Variants in GRM8 observed in about 807,000 individuals in gnomAD.
GRM8 encodes glutamate metabotropic receptor 8.
A neutral mutation model predicts 87.2 loss-of-function variants in GRM8; 47 were observed. That is an observed-to-expected ratio of 0.54 (90% CI 0.43 to 0.69). The LOEUF (loss-of-function observed/expected upper bound fraction) is 0.69, where lower values mean the gene tolerates loss of function less well. Among genes scored for constraint, GRM8 ranks in the 30% least tolerant of loss-of-function variants. The pLI is 0.00. For synonymous variants in GRM8, 396 were observed against 404.5 expected (o/e 0.98, Z 0.25); for missense variants, 1,019 against 1,139.2 (o/e 0.89, Z 1.52).
At chr7:126,913,326 C>T in intron 3 of GRM8, among the ~76,000 whole-genome samples, 1 of 152,160 alleles carries the variant, frequency 6.6e-6, no homozygotes, top group East Asian at 1.9e-4. Flanking sequence ...TTTGTTAGAG[C>T]TACACGACAG....
chr7:126,983,037 G>A (rs1811693824), intron 3 of GRM8, among the ~76,000 whole-genome samples: 1 of 152,108 alleles, frequency 6.6e-6, no homozygotes, highest in Non-Finnish European at 1.5e-5. Flanking sequence ...GATAGTCTGG[G>A]TCAATCACCC....
At chr7:126,656,750 G>C (rs1189234065) in intron 7 of GRM8, among the ~76,000 whole-genome samples, 2 of 151,994 alleles carry the variant, frequency 1.3e-5, no homozygotes, top group Non-Finnish European at 2.9e-5. Flanking sequence ...CAGTTGGACA[G>C]AGAGGGGTTA....
intron 3 of GRM8, among the ~76,000 whole-genome samples, chr7:126,956,286 A>C (rs1808672499): frequency 6.6e-6 from 1 of 152,210 alleles, no homozygotes; most frequent in Non-Finnish European, 1.5e-5. Context: ...AAAAAAGATC[A>C]TGTATTGTGG....
chr7:126,726,685 G>A (rs1813017969), intron 7 of GRM8, among the ~76,000 whole-genome samples: 2 of 152,130 alleles, frequency 1.3e-5, no homozygotes, highest in African/African-American at 4.8e-5. Flanking sequence ...GAATTGGAAA[G>A]TATCTGCCCC....
intron 6 of GRM8, among the ~76,000 whole-genome samples, chr7:126,863,831 T>C (rs1486865605): frequency 6.6e-6 from 1 of 152,062 alleles, no homozygotes; most frequent in Non-Finnish European, 1.5e-5. Flanking sequence ...ATAATGCATA[T>C]TTGATATCTT....
intron 3 of GRM8, among the ~76,000 whole-genome samples, chr7:127,027,356 T>C (rs998871066): frequency 6.6e-6 from 1 of 152,164 alleles, no homozygotes; most frequent in Non-Finnish European, 1.5e-5. Context: ...AAGTAGTTTT[T>C]TCCAATTCTT....
At position 127,135,617 on chromosome 7, in the gene GRM8, C is replaced by CAAAAAA. The variant is rs1168682673; in HGVS notation, c.511-28911_511-28906dup. Among the ~76,000 whole-genome samples the CAAAAAA allele has an allele frequency of 1.5e-3, 54 of 36,592 alleles. 1 individual carries two copies. The highest frequency in any genetic ancestry group is 3.8e-3 in the African/African-American group (31 of 8,070). 24.0% of individuals were successfully genotyped at this position (36,592 alleles called of 152,430 possible). A position where few individuals can be genotyped will look rare whatever the true frequency, so the allele number is the denominator to read the frequency against. ...TGGGCGACAGAGCGAGACTCCGTCT[C>CAAAAAA]AAAAAAAAAAAAAAAAAAAAAAAAA... On this transcript the variant is annotated intron_variant, in intron 2 of 10. Coordinates refer to ENST00000339582, the MANE Select transcript of GRM8 (RefSeq NM_000845.3).
At chr7:126,879,184 G>C (rs1799809834) in intron 6 of GRM8, among the ~76,000 whole-genome samples, 2 of 148,024 alleles carry the variant, frequency 1.4e-5, no homozygotes, top group African/African-American at 2.5e-5. Flanking sequence ...GTCGGGGGAG[G>C]GGGCAGGGAG....
intron 7 of GRM8, among the ~76,000 whole-genome samples, chr7:126,760,047 C>T (rs1205891094): frequency 1.3e-5 from 2 of 152,092 alleles, no homozygotes; most frequent in Admixed American, 6.6e-5. Context: ...TTTCCCACCA[C>T]CTCAAATCTT....
At chr7:126,483,576 C>T (rs1244942957) in intron 9 of GRM8, among the ~76,000 whole-genome samples, 2 of 144,482 alleles carry the variant, frequency 1.4e-5, no homozygotes, top group East Asian at 4.1e-4. Context: ...ATTTGAAAAA[C>T]AACATTTATC....
At chr7:126,900,422 A>G (rs1415727922) in intron 6 of GRM8, among the ~76,000 whole-genome samples, 1 of 152,174 alleles carries the variant, frequency 6.6e-6, no homozygotes, top group East Asian at 1.9e-4. Flanking sequence ...ACACAACACT[A>G]TGTAGCGTTA....
chr7:126,687,182 C>G (rs890732618), intron 7 of GRM8, among the ~76,000 whole-genome samples: 3 of 152,206 alleles, frequency 2.0e-5, no homozygotes, highest in African/African-American at 7.2e-5. Context: ...CCCGCTATAC[C>G]AGCTCCCAAC....
At chr7:126,529,136 T>C (rs1186799646) in intron 9 of GRM8, among the ~76,000 whole-genome samples, 2 of 152,056 alleles carry the variant, frequency 1.3e-5, no homozygotes, top group African/African-American at 4.8e-5. Context: ...GACAACTTTT[T>C]AGAAAAAAAT....
At chr7:126,916,638 G>C (rs1297504432) in intron 3 of GRM8, among the ~76,000 whole-genome samples, 1 of 152,166 alleles carries the variant, frequency 6.6e-6, no homozygotes, top group East Asian at 1.9e-4. Context: ...CAATGTATTA[G>C]CTTTCAAACA....
At chr7:126,833,995 A>G (rs1407608114) in intron 6 of GRM8, among the ~76,000 whole-genome samples, 3 of 152,240 alleles carry the variant, frequency 2.0e-5, no homozygotes, top group African/African-American at 4.8e-5. Flanking sequence ...CTTCAAGCAG[A>G]AGGGATTGCT....
At position 127,037,851 on chromosome 7, in the gene GRM8, G is replaced by GTC. The variant is rs879724094; in HGVS notation, c.727+68644_727+68645insGA. Among the ~76,000 whole-genome samples the GTC allele has an allele frequency of 7.1e-3, 1,085 of 151,986 alleles. 15 individuals are homozygous for GTC. The highest frequency in any genetic ancestry group is 0.025 in the African/African-American group (1,024 of 41,414). On this transcript the variant is annotated intron_variant, in intron 3 of 10. Coordinates refer to ENST00000339582, the MANE Select transcript of GRM8 (RefSeq NM_000845.3). The stretch of plus-strand genomic sequence containing the variant: ...CGCATCCGTGTGTGTGTGTGTGTGT[G>GTC]TGTGTGTGTGTGTTTAGTTACACTA...
intron 9 of GRM8, among the ~76,000 whole-genome samples, chr7:126,500,120 A>C (rs1299928277): frequency 6.6e-6 from 1 of 151,956 alleles, no homozygotes; most frequent in Non-Finnish European, 1.5e-5. Context: ...TGTACAATAC[A>C]TTCTTATTAA....
At chr7:126,758,552 A>G (rs369758042) in intron 7 of GRM8, among the ~76,000 whole-genome samples, 2 of 152,220 alleles carry the variant, frequency 1.3e-5, no homozygotes, top group East Asian at 3.8e-4. Flanking sequence ...AAGAATTTTA[A>G]GATATAAAGG....
chr7:126,636,935 T>C (rs532322319), intron 7 of GRM8, among the ~76,000 whole-genome samples: 2 of 152,220 alleles, frequency 1.3e-5, no homozygotes, highest in African/African-American at 4.8e-5. Flanking sequence ...AAGTTCTTCA[T>C]CATCTCAATA....
Sources: allele counts gnomAD v4.1 joint callset (sites outside exome capture counted in the v4.1 genomes callset), GRCh38; gene constraint gnomAD v4.1.1; transcripts MANE v1.5; gene names NCBI Gene and HGNC (gene_info 2026-07-23, HGNC 2026-07-21).